Variants in EYA2 observed in about 807,000 individuals in gnomAD.
EYA2 encodes the protein EYA transcriptional coactivator and phosphatase 2, also known as protein phosphatase EYA2.
In EYA2, 31 loss-of-function variants were observed where a neutral mutation model predicts 69.2. That is an observed-to-expected ratio of 0.45 (90% CI 0.34 to 0.60). EYA2 has a LOEUF of 0.60. EYA2 is among the 20% of genes least tolerant of loss of function. The probability of loss-of-function intolerance (pLI) is 0.02; values close to 1 mark genes in which losing one functional copy is unlikely to be tolerated. For synonymous variants in EYA2, 257 were observed against 279.4 expected (o/e 0.92, Z 0.80); for missense variants, 622 against 701.2 (o/e 0.89, Z 1.28).
chr20:47,057,512 C>A (rs1208460303), intron 5 of EYA2, among the ~76,000 whole-genome samples: 2 of 124,510 alleles, frequency 1.6e-5, no homozygotes, highest in African/African-American at 4.1e-5. Context: ...TTTATATCAC[C>A]CCCCCCCCCC....
chr20:47,096,906 C>T (rs142783621), intron 8 of EYA2, among the ~76,000 whole-genome samples, 179 bp from the exon 9 acceptor site: 1 of 152,298 alleles, frequency 6.6e-6, no homozygotes, highest in Non-Finnish European at 1.5e-5. Flanking sequence ...CATCCGAATA[C>T]ACATGACACA....
intron 1 of EYA2, among the ~76,000 whole-genome samples, chr20:46,895,430 C>T (rs575131523): frequency 6.6e-6 from 1 of 152,340 alleles, no homozygotes; most frequent in East Asian, 1.9e-4. Flanking sequence ...AGAAGCAGAG[C>T]CAACCGCTGG....
intron 4 of EYA2, among the ~76,000 whole-genome samples, chr20:47,009,322 T>C (rs1982920323): frequency 1.3e-5 from 2 of 152,372 alleles, no homozygotes; most frequent in East Asian, 1.9e-4. Context: ...ACAAACCTTG[T>C]TGAATCTTGT....
chr20:47,135,468 A>G (rs1471693452), intron 9 of EYA2, among the ~76,000 whole-genome samples: 1 of 151,266 alleles, frequency 6.6e-6, no homozygotes, highest in Non-Finnish European at 1.5e-5. Flanking sequence ...CATTATCAAC[A>G]TTATTATTAA....
At chr20:47,045,883 A>C (rs2030011956) in intron 5 of EYA2, among the ~76,000 whole-genome samples, 1 of 77,642 alleles carries the variant, frequency 1.3e-5, no homozygotes, top group Non-Finnish European at 4.0e-5. Flanking sequence ...GGTGTTACAG[A>C]GGAGGAGACC....
intron 7 of EYA2, among the ~76,000 whole-genome samples, chr20:47,079,397 T>G (rs1430821729): frequency 6.6e-6 from 1 of 152,188 alleles, no homozygotes; most frequent in East Asian, 1.9e-4. Flanking sequence ...TCCTTGCCCT[T>G]CTACCTGCAG....
rs371206060 is a variant in EYA2 at position 47,176,451 on chromosome 20, C to T, written c.1199-3347C>T. 1.2e-4 allele frequency among the ~76,000 whole-genome samples: 18 copies of T among 152,214 alleles called. No homozygotes were observed. In the South Asian group the frequency reaches 3.3e-3, roughly 28 times the overall value. On this transcript the variant is annotated intron_variant, in intron 12 of 15. Transcript: ENST00000327619. The stretch of plus-strand genomic sequence containing the variant: ...GAAACAGATATGGCAGAGAGCCCAG[C>T]GTGGGCAGTGGTGGCCAGGGGATAC...
chr20:47,024,364 A>G (rs1010543558), intron 5 of EYA2, among the ~76,000 whole-genome samples: 1 of 152,240 alleles, frequency 6.6e-6, no homozygotes, highest in Non-Finnish European at 1.5e-5. Flanking sequence ...ATTCTACCCA[A>G]TGCCCCATGA....
rs561789117 is a variant in EYA2, at chr20:47,006,348, G to A, written c.298+1264G>A. Among the ~76,000 whole-genome samples the A allele has an allele frequency of 1.2e-3, 182 of 152,334 alleles. 1 individual carries two copies. The highest frequency in any genetic ancestry group is 1.6e-3 in the Non-Finnish European group (111 of 68,030). ...TGGTTCACAAAGGAGAAGGAGGCAG[G>A]AAGAAACTACAGATAGCCACTCCAC... On this transcript the variant is annotated intron_variant, in intron 4 of 15. Coordinates refer to ENST00000327619, the MANE Select transcript of EYA2 (RefSeq NM_005244.5).
rs1351082759 is a variant in EYA2 at position 47,188,618 on chromosome 20, T to C, written c.*485T>C. 5 of 373,818 alleles carry C rather than the reference T, an allele frequency of 1.3e-5. No individual in the cohort carries two copies. In the East Asian group the frequency reaches 1.6e-4, roughly 12 times the overall value. The allele number at this position is 373,818 out of a possible 1,614,324, so 23.2% of individuals were successfully genotyped here. The stretch of plus-strand genomic sequence containing the variant: ...AATGTAAGCACTCTATTCTCCAAGT[T>C]GTGCTTTGTGGGGACAATCATTCTT... On this transcript the variant is annotated 3_prime_UTR_variant, in exon 16 of 16. Transcript: ENST00000327619.
At chr20:47,092,618 TAG>T (rs1031960600) in intron 8 of EYA2, among the ~76,000 whole-genome samples, 3 of 151,374 alleles carry the variant, frequency 2.0e-5, no homozygotes, top group African/African-American at 4.8e-5. Flanking sequence ...ACGGCGGGGG[TAG>T]AGAGAGATTT....
intron 9 of EYA2, among the ~76,000 whole-genome samples, chr20:47,103,547 A>C (rs79031818): frequency 0.018 from 2,666 of 152,342 alleles, 89 homozygotes; most frequent in African/African-American, 0.06. Context: ...CAGGAAAGTT[A>C]ACGAACATGG....
chr20:46,987,916 G>GACTCACTCTCTCTCTCTC lies in EYA2; in HGVS notation c.-10-2085_-10-2084insACTCACTCTCTCTCTCTC, dbSNP rs56288405. Among the ~76,000 whole-genome samples, 7 of 20,352 alleles carry GACTCACTCTCTCTCTCTC rather than the reference G, an allele frequency of 3.4e-4. 1 individual carries two copies. Among genetic ancestry groups the GACTCACTCTCTCTCTCTC allele is most frequent in the African/African-American group, 8.3e-4 (5 of 6,004 alleles). The allele number at this position is 20,352 out of a possible 152,430, so 13.4% of individuals were successfully genotyped here. On this transcript the variant is annotated intron_variant, in intron 1 of 15. Transcript: ENST00000327619. The stretch of plus-strand genomic sequence containing the variant: ...TACTCCAGCCTGGAAGACAGAGTAA[G>GACTCACTCTCTCTCTCTC]TCTCTCTCTCTCTCTCTCTCTCTCT...
chr20:47,109,080 T>A (rs896497422), intron 9 of EYA2, among the ~76,000 whole-genome samples: 1 of 152,012 alleles, frequency 6.6e-6, no homozygotes, highest in Non-Finnish European at 1.5e-5. Flanking sequence ...CAGCCACAGA[T>A]AAAGAAGGTA....
At chr20:47,035,403 A>G (rs927311900) in intron 5 of EYA2, among the ~76,000 whole-genome samples, 3 of 152,150 alleles carry the variant, frequency 2.0e-5, no homozygotes, top group African/African-American at 7.2e-5. Flanking sequence ...TAGCCACACA[A>G]TATCTCTTTC....
At chr20:47,022,377 G>A (rs1369990487) in intron 5 of EYA2, among the ~76,000 whole-genome samples, 1 of 152,178 alleles carries the variant, frequency 6.6e-6, no homozygotes, top group African/African-American at 2.4e-5. Context: ...ACAATGGCAT[G>A]ATCTCGGCTT....
chr20:46,942,891 G>A (rs1986214321), intron 1 of EYA2, among the ~76,000 whole-genome samples: 1 of 152,220 alleles, frequency 6.6e-6, no homozygotes, highest in South Asian at 2.1e-4. Context: ...TCAGCCTCCT[G>A]AGTTGCTAGG....
intron 10 of EYA2, chr20:47,161,171 C>T: frequency 2.5e-6 from 1 of 392,900 alleles, no homozygotes; most frequent in Non-Finnish European, 4.7e-6. Context: ...GCCACAGTGG[C>T]CTGTCACCTT....
rs75485057 is a variant in EYA2, at chr20:47,142,937, G to A, written c.889-122G>A. 4.9e-3 allele frequency: 3,213 copies of A among 654,150 alleles called. 81 individuals carry two copies. The African/African-American group carries it at 0.054, about 11-fold the overall frequency. 40.5% of individuals were successfully genotyped at this position (654,150 alleles called of 1,614,324 possible). A position where few individuals can be genotyped will look rare whatever the true frequency, so the allele number is the denominator to read the frequency against. ...CACACAGAGACTCATTTTAGGCCAC[G>A]CGTGAGCCGAGCAGATGAGGAAAAA... On this transcript the variant is annotated intron_variant, in intron 9 of 15. Coordinates refer to ENST00000327619, the MANE Select transcript of EYA2 (RefSeq NM_005244.5).
Sources: allele counts gnomAD v4.1 joint callset (sites outside exome capture counted in the v4.1 genomes callset), GRCh38; gene constraint gnomAD v4.1.1; transcripts MANE v1.5; gene names NCBI Gene and HGNC (gene_info 2026-07-23, HGNC 2026-07-21).